Variants in FAT3 observed in about 807,000 individuals in gnomAD.
FAT3 encodes FAT atypical cadherin 3.
FAT3 carries 95 observed loss-of-function variants against 310.2 expected under a neutral mutation model. That is an observed-to-expected ratio of 0.31 (90% CI 0.26 to 0.36). The LOEUF is 0.36. FAT3 is among the 10% of genes least tolerant of loss of function. FAT3 has a pLI of 1.00. For synonymous variants in FAT3, 2,314 were observed against 2,192.9 expected, an observed-to-expected ratio of 1.06 and a Z score of -1.54; for missense variants, 5,408 against 5,715.6, an observed-to-expected ratio of 0.95 and a Z score of 1.74.
intron 3 of FAT3, among the ~76,000 whole-genome samples, chr11:92,628,158 A>G (rs762742748): frequency 6.6e-6 from 1 of 152,230 alleles, no homozygotes; most frequent in Admixed American, 6.5e-5. Context: ...ACTACTGAGT[A>G]ATGCACATGT....
At chr11:92,433,975 C>CACTGCACT (rs1372906510) in intron 2 of FAT3, among the ~76,000 whole-genome samples, 1 of 149,806 alleles carries the variant, frequency 6.7e-6, no homozygotes, top group Non-Finnish European at 1.5e-5. Context: ...GAGATTGCGC[C>CACTGCACT]ACTGCACTCC....
At position 92,798,759 on chromosome 11, in the gene FAT3, C is replaced by T. The variant is rs1001876086; in HGVS notation, c.5746C>T (p.Pro1916Ser). The T allele has an allele frequency of 1.2e-6, 2 of 1,613,752 alleles. No individual in the cohort carries two copies. The highest frequency in any genetic ancestry group is 8.5e-7 in the Non-Finnish European group (1 of 1,179,836). Residue 1916 changes from proline to serine, a missense_variant, in exon 10 of 28, where the codon CCT becomes TCT. Pro to Ser is a moderately conservative substitution (Grantham distance 74). Around this residue, in one of 5 missense-constraint regions of FAT3, gnomAD observed 4,588 missense variants for 4,809.8 expected, o/e 0.95. Coordinates refer to ENST00000525166, the MANE Select transcript of FAT3 (RefSeq NM_001367949.2). ...SATDPDSEVP[P>S]ELTYSLMEGS... ...CACAGATCCTGACTCTGAGGTACCC[C>T]CTGAACTGACATACAGCCTAATGGA...
intron 23 of FAT3, among the ~76,000 whole-genome samples, chr11:92,882,122 G>A (rs1004072674): frequency 6.6e-6 from 1 of 152,184 alleles, no homozygotes; most frequent in Non-Finnish European, 1.5e-5. Flanking sequence ...AGGGTTTGGA[G>A]TATGTTAGTG....
intron 4 of FAT3, among the ~76,000 whole-genome samples, chr11:92,721,076 T>C (rs1944845131): frequency 6.6e-6 from 1 of 152,180 alleles, no homozygotes; most frequent in South Asian, 2.1e-4. Flanking sequence ...ATATTCTTCT[T>C]GATGTTCTCC....
chr11:92,677,315 G>C (rs1943318177), intron 3 of FAT3, among the ~76,000 whole-genome samples: 1 of 152,196 alleles, frequency 6.6e-6, no homozygotes, highest in South Asian at 2.1e-4. Flanking sequence ...TGGGTAAAAG[G>C]GATATGTAAG....
At chr11:92,779,330 G>C (rs1183119075) in intron 7 of FAT3, among the ~76,000 whole-genome samples, 1 of 152,080 alleles carries the variant, frequency 6.6e-6, no homozygotes, top group Non-Finnish European at 1.5e-5. Flanking sequence ...AAGGAGTCAG[G>C]ATTCCTCATA....
chr11:92,232,906 A>C (rs958737593), intron 1 of FAT3, among the ~76,000 whole-genome samples: 1 of 152,144 alleles, frequency 6.6e-6, no homozygotes, highest in African/African-American at 2.4e-5. Context: ...CTGATGGCAG[A>C]ATTTACATTT....
At chr11:92,442,600 G>T (rs1451778928) in intron 2 of FAT3, among the ~76,000 whole-genome samples, 1 of 152,136 alleles carries the variant, frequency 6.6e-6, no homozygotes, top group Non-Finnish European at 1.5e-5. Flanking sequence ...CAGACACCAA[G>T]AGTTTCCTTC....
chr11:92,231,229 C>T (rs560006035), intron 1 of FAT3, among the ~76,000 whole-genome samples: 1 of 152,254 alleles, frequency 6.6e-6, no homozygotes, highest in Admixed American at 6.5e-5. Context: ...AGTTATGAAT[C>T]TCAAGGTTAA....
chr11:92,720,645 C>T (rs1944834770), intron 4 of FAT3, among the ~76,000 whole-genome samples: 1 of 152,122 alleles, frequency 6.6e-6, no homozygotes, highest in Admixed American at 6.6e-5. Flanking sequence ...TGCCACGTAC[C>T]CTCAACTGTT....
intron 1 of FAT3, among the ~76,000 whole-genome samples, chr11:92,275,268 C>T (rs564546816): frequency 7.9e-5 from 12 of 152,086 alleles, no homozygotes; most frequent in African/African-American, 2.4e-4. Context: ...TTTCTTTCTC[C>T]CTAGCAATCC....
At position 92,836,684 on chromosome 11, in the gene FAT3, A is replaced by C. The variant is rs761350010; in HGVS notation, c.10205A>C (p.Lys3402Thr). The C allele has an allele frequency of 2.5e-6, 4 of 1,613,514 alleles. No individual in the cohort carries two copies. The highest frequency in any genetic ancestry group is 1.1e-5 in the South Asian group (1 of 90,964). ...GTCTTGGGACTTGTGAAAGTTAAGA[A>C]GAAATTGGACCGGGAACGGGTAAGC... ...DPVLGLVKVK[K>T]KLDRERVSGY... is the part of the protein sequence containing the mutation. Residue 3402 changes from lysine (K) to threonine (T), a missense_variant, in exon 16 of 28, where the codon AAG becomes ACG. Transcript: ENST00000525166.
At chr11:92,442,111 A>ATATTTTTTTTTTTTTTTTTTTT (rs1453396603) in intron 2 of FAT3, among the ~76,000 whole-genome samples, 1 of 45,222 alleles carries the variant, frequency 2.2e-5, no homozygotes, top group Non-Finnish European at 3.1e-5. Context: ...ATATATATAT[A>ATATTTTTTTTTTTTTTTTTTTT]TTTTTTTTTT....
chr11:92,865,173 G>A (rs1256090902), intron 21 of FAT3, among the ~76,000 whole-genome samples: 5 of 152,270 alleles, frequency 3.3e-5, no homozygotes, highest in East Asian at 1.9e-4. Flanking sequence ...CATGACCTAC[G>A]AAATTTTATG....
In FAT3 at chr11:92,801,217, G is replaced by C; in HGVS notation, c.8204G>C (p.Ser2735Thr). 1 of 1,613,870 alleles carries C rather than the reference G, an allele frequency of 6.2e-7. No individual in the cohort carries two copies. The highest frequency in any genetic ancestry group is 8.5e-7 in the Non-Finnish European group (1 of 1,179,854). ...STVDTLRILP[S>T]QNVWFSTVNG... ...GTGGACACCCTGAGGATTTTGCCCA[G>C]TCAGAATGTCTGGTTCAGCACAGTT... The change falls in exon 10 of 28, where the codon AGT (serine) becomes ACT (threonine). Residue 2735 changes from serine to threonine, a missense_variant. Ser to Thr is a moderately conservative substitution (Grantham distance 58, BLOSUM62 1). This residue lies in a region of FAT3 where 4,588 missense variants were observed against 4,809.8 expected (regional missense o/e 0.95). Transcript: ENST00000525166.
chr11:92,576,359 G>A (rs886474965), intron 3 of FAT3, among the ~76,000 whole-genome samples: 3 of 152,148 alleles, frequency 2.0e-5, no homozygotes, highest in Admixed American at 1.3e-4. Context: ...TTGCAATGAG[G>A]TCTTTGGGAC....
At chr11:92,345,994 A>G (rs1335414228) in intron 1 of FAT3, among the ~76,000 whole-genome samples, 2 of 152,156 alleles carry the variant, frequency 1.3e-5, no homozygotes, top group Non-Finnish European at 2.9e-5. Context: ...TTGTGATTCA[A>G]ATACTTAGTA....
intron 19 of FAT3, among the ~76,000 whole-genome samples, chr11:92,855,795 C>T (rs1019576551): frequency 6.6e-6 from 1 of 152,104 alleles, no homozygotes; most frequent in Non-Finnish European, 1.5e-5. Flanking sequence ...TGGATCAGTG[C>T]CAAGAGTGTC....
chr11:92,742,950 T>G (rs140704993), intron 4 of FAT3, among the ~76,000 whole-genome samples: 1 of 152,164 alleles, frequency 6.6e-6, no homozygotes, highest in Non-Finnish European at 1.5e-5. Context: ...AGGCTAAGAA[T>G]AGCACAGTGG....
Sources: allele counts gnomAD v4.1 joint callset (sites outside exome capture counted in the v4.1 genomes callset), GRCh38; gene constraint gnomAD v4.1.1; regional missense constraint gnomAD v4.1.1; transcripts MANE v1.5; gene names NCBI Gene and HGNC (gene_info 2026-07-23, HGNC 2026-07-21).